ATXN8OS: variants seen among roughly 807,000 people sequenced by gnomAD.
The protein encoded by ATXN8OS is ATXN8 opposite strand lncRNA.
At chr13:70,125,770 G>A (rs946110731) in intron 2 of ATXN8OS, among the ~76,000 whole-genome samples, 44 of 152,080 alleles carry the variant, frequency 2.9e-4, no homozygotes, top group Non-Finnish European at 5.9e-5. Flanking sequence ...TTGATGCCAG[G>A]GATGTTTCAC....
At chr13:70,159,667 T>C (rs1294508251) in intron 4 of ATXN8OS, among the ~76,000 whole-genome samples, 1 of 152,166 alleles carries the variant, frequency 6.6e-6, no homozygotes, top group Non-Finnish European at 1.5e-5. Context: ...AATTCCAAGA[T>C]ATTCCATGGC....
intron 1 of ATXN8OS, among the ~76,000 whole-genome samples, chr13:70,111,550 C>A (rs571384160): frequency 6.6e-6 from 1 of 152,158 alleles, no homozygotes; most frequent in Non-Finnish European, 1.5e-5. Context: ...TGAGGTTCTG[C>A]CCTCGAGACC....
In ATXN8OS at chr13:70,131,207, G is replaced by A. The variant is rs1431307352; in HGVS notation, n.499+1323G>A. 1.3e-5 allele frequency: 5 copies of A among 395,264 alleles called. No homozygotes were observed. In the Admixed American group the frequency reaches 1.8e-4, roughly 14 times the overall value. The allele number at this position is 395,264 out of a possible 1,614,324, so 24.5% of individuals were successfully genotyped here. A position where few individuals can be genotyped will look rare whatever the true frequency, so the allele number is the denominator to read the frequency against. Reference sequence around the variant, plus strand: ...GAGTAAGAAGTATATCTGTCACAATGTGTACATGTATACATCCTAAATATT... The same window carrying A: ...GAGTAAGAAGTATATCTGTCACAATATGTACATGTATACATCCTAAATATT... On this transcript the variant is annotated intron_variant and non_coding_transcript_variant, in intron 3 of 4. Coordinates refer to ENST00000678624, the Ensembl canonical transcript of ATXN8OS.
At chr13:70,112,928 T>A (rs1225637940) in intron 1 of ATXN8OS, among the ~76,000 whole-genome samples, 14 of 139,528 alleles carry the variant, frequency 1.0e-4, no homozygotes, top group African/African-American at 3.7e-4. Flanking sequence ...TAATTTTTTT[T>A]TTTTTTTTTT....
intron 2 of ATXN8OS, among the ~76,000 whole-genome samples, chr13:70,125,817 T>G (rs1307727838): frequency 6.6e-6 from 1 of 152,176 alleles, no homozygotes; most frequent in Non-Finnish European, 1.5e-5. Flanking sequence ...GGCTTCTGAA[T>G]GTCAGGTCTC....
chr13:70,158,451 A>G (rs1483765654), intron 4 of ATXN8OS, among the ~76,000 whole-genome samples: 1 of 152,182 alleles, frequency 6.6e-6, no homozygotes, highest in Non-Finnish European at 1.5e-5. Flanking sequence ...TAACAAGAGC[A>G]GAAATATGTA....
chr13:70,148,372 T>A (rs1181134532), intron 4 of ATXN8OS, among the ~76,000 whole-genome samples: 1 of 152,150 alleles, frequency 6.6e-6, no homozygotes, highest in Non-Finnish European at 1.5e-5. Flanking sequence ...GGCATCTTAT[T>A]AATACAACGA....
intron 4 of ATXN8OS, among the ~76,000 whole-genome samples, chr13:70,152,347 CTG>C (rs10556377): frequency 0.76 from 115,330 of 151,182 alleles, 44,776 homozygotes; most frequent in Middle Eastern, 0.87. Flanking sequence ...CACTCTGTAC[CTG>C]TGTGTGTGTG....
In ATXN8OS at chr13:70,129,729, C is replaced by G. The variant is rs1888502041; in HGVS notation, n.399-55C>G. On this transcript the variant is annotated intron_variant and non_coding_transcript_variant, in intron 2 of 4. Coordinates refer to ENST00000678624, the Ensembl canonical transcript of ATXN8OS. ...CTGTACAGACTAGCAAAATATTATT[C>G]TAAGTGTCTCCTTATGTTTTAACCT... 3 of 398,154 alleles carry G rather than the reference C, an allele frequency of 7.5e-6. No individual in the cohort carries two copies. In the South Asian group the frequency reaches 3.8e-4, roughly 51 times the overall value. 24.7% of individuals were successfully genotyped at this position (398,154 alleles called of 1,614,324 possible).
intron 4 of ATXN8OS, among the ~76,000 whole-genome samples, chr13:70,161,167 C>G (rs1342228161): frequency 6.6e-6 from 1 of 151,236 alleles, no homozygotes; most frequent in East Asian, 1.9e-4. Context: ...AAAAAAAAAT[C>G]TAAGGTTAAA....
intron 4 of ATXN8OS, among the ~76,000 whole-genome samples, chr13:70,150,261 T>A (rs189842865): frequency 2.0e-5 from 3 of 152,206 alleles, no homozygotes; most frequent in Admixed American, 1.3e-4. Context: ...ATGGGCCTAC[T>A]GAAGGAAGAT....
At chr13:70,112,920 A>ATATATTTTTTTTTT (rs1555298511) in intron 1 of ATXN8OS, among the ~76,000 whole-genome samples, 7 of 87,572 alleles carry the variant, frequency 8.0e-5, no homozygotes, top group African/African-American at 8.8e-5. Context: ...TATATATATA[A>ATATATTTTTTTTTT]TTTTTTTTTT....
At chr13:70,118,319 C>A (rs919073596) in intron 2 of ATXN8OS, among the ~76,000 whole-genome samples, 12 of 152,054 alleles carry the variant, frequency 7.9e-5, no homozygotes, top group African/African-American at 2.9e-4. Flanking sequence ...GTGAGTGAAA[C>A]AATAAATTTT....
intron 2 of ATXN8OS, chr13:70,115,425 G>A: frequency 2.5e-6 from 1 of 395,206 alleles, no homozygotes; most frequent in Non-Finnish European, 4.5e-6. Flanking sequence ...AGAAGAATGT[G>A]AAGAAATAAG....
rs930769610 is a variant in ATXN8OS, at chr13:70,167,668, T to TA, written n.574-2076dup. ...TAAAACTTAAAGTATAATAATAACT[T>TA]AAAAAAAAAGAAAATTCAGAAAGAG... On this transcript the variant is annotated intron_variant and non_coding_transcript_variant, in intron 4 of 4. Coordinates refer to ENST00000678624, the Ensembl canonical transcript of ATXN8OS. 7.5e-4 allele frequency among the ~76,000 whole-genome samples: 102 copies of TA among 136,636 alleles called. 1 individual carries two copies. The East Asian group carries it at 0.015, about 19-fold the overall frequency. The allele number at this position is 136,636 out of a possible 152,430, so 89.6% of individuals were successfully genotyped here.
At chr13:70,135,687 A>G (rs191427268) in intron 3 of ATXN8OS, among the ~76,000 whole-genome samples, 4 of 152,240 alleles carry the variant, frequency 2.6e-5, no homozygotes, top group Admixed American at 2.0e-4. Context: ...TACTATGTAC[A>G]AATTTCATGA....
At chr13:70,143,454 CTGCTGGTGTTCTG>C (rs1316659256) in intron 3 of ATXN8OS, among the ~76,000 whole-genome samples, 22 of 152,306 alleles carry the variant, frequency 1.4e-4, no homozygotes, top group African/African-American at 4.3e-4. Flanking sequence ...TTCTCTACCT[CTGCTGGTGTTCTG>C]TGCTCACGTC....
chr13:70,142,876 C>T (rs1355801187), intron 3 of ATXN8OS, among the ~76,000 whole-genome samples: 1 of 152,100 alleles, frequency 6.6e-6, no homozygotes, highest in Non-Finnish European at 1.5e-5. Context: ...GATTTTGAGA[C>T]CAACCTGACC....
intron 4 of ATXN8OS, among the ~76,000 whole-genome samples, chr13:70,153,890 T>C (rs1888905036): frequency 6.6e-6 from 1 of 152,090 alleles, no homozygotes; most frequent in Non-Finnish European, 1.5e-5. Context: ...TTTTGCCATG[T>C]TGCCCAAGCT....
Sources: allele counts gnomAD v4.1 joint callset (sites outside exome capture counted in the v4.1 genomes callset), GRCh38; gene constraint gnomAD v4.1.1; transcripts MANE v1.5; gene names NCBI Gene and HGNC (gene_info 2026-07-23, HGNC 2026-07-21).